SAAL1: variants seen among roughly 807,000 people sequenced by gnomAD.
SAAL1 encodes the protein protein SAAL1.
SAAL1 carries 42 observed loss-of-function variants against 59.8 expected under a neutral mutation model. The ratio of observed to expected loss-of-function variants is 0.70; its 90% CI spans 0.55 to 0.91. The LOEUF is 0.91. Ranked by LOEUF, SAAL1 falls within the 40% of genes least tolerant of loss-of-function variation. SAAL1 has a pLI of 0.00. For synonymous variants in SAAL1, 191 were observed against 194.3 expected (o/e 0.98, Z 0.14); for missense variants, 542 against 561.1 (o/e 0.97, Z 0.34).
At chr11:18,103,100 A>G (rs1848650678) in intron 2 of SAAL1, 133 bp downstream of exon 2, 3 of 648,424 alleles carry the variant, frequency 4.6e-6, no homozygotes, top group African/African-American at 1.8e-5. Flanking sequence ...CTCATTCCCT[A>G]TATCATATAT....
chr11:18,105,894 C>T lies in SAAL1; in HGVS notation c.135+13G>A. ...ATGTAGGGACACCCCACGCGTGGCG[C>T]GAGTTTCCACACCTGGATGAGTCCG... is the stretch of plus-strand genomic sequence containing the variant. On this transcript the variant is annotated intron_variant, in intron 1 of 11. Coordinates refer to ENST00000524803, the MANE Select transcript of SAAL1 (RefSeq NM_138421.3). 6.3e-7 allele frequency: 1 copy of T among 1,586,084 alleles called. No homozygotes were observed. The highest frequency in any genetic ancestry group is 8.6e-7 in the Non-Finnish European group (1 of 1,167,716).
chr11:18,102,507 G>C (rs1274497360), intron 2 of SAAL1, among the ~76,000 whole-genome samples: 1 of 151,800 alleles, frequency 6.6e-6, no homozygotes. Context: ...ACAATGAATA[G>C]CCATTGACAA....
rs1848397399 is a variant in SAAL1 at position 18,080,404 on chromosome 11, T to A, written c.1420A>T (p.Thr474Ser). ...AAGTAATTCCAATTCAGGTTTTAAG[T>A]CTGAACCTTCAAACTTGGGAAGTTT... is the stretch of plus-strand genomic sequence containing the variant. Reference protein sequence around the residue: ...EKNFPSLKVQT With the variant: ...EKNFPSLKVQS Residue 474 changes from threonine (T) to serine (S), a missense_variant, in exon 12 of 12, where the codon ACT becomes TCT. Physicochemically the swap from Thr to Ser is moderately conservative, Grantham distance 58 (BLOSUM62 1). Coordinates refer to ENST00000524803, the MANE Select transcript of SAAL1 (RefSeq NM_138421.3). 3 of 1,583,948 alleles carry A rather than the reference T, an allele frequency of 1.9e-6. No individual in the cohort carries two copies. Among genetic ancestry groups the A allele is most frequent in the Non-Finnish European group, 2.6e-6 (3 of 1,167,076 alleles).
chr11:18,096,409 T>C (rs1232117289), intron 3 of SAAL1, among the ~76,000 whole-genome samples: 1 of 151,920 alleles, frequency 6.6e-6, no homozygotes, highest in African/African-American at 2.4e-5. Flanking sequence ...AGGAGACCTT[T>C]GTCTCCACAA....
chr11:18,081,492 A>G lies in SAAL1; in HGVS notation c.1251T>C (p.Ala417=), dbSNP rs1322072018. 6.2e-7 allele frequency: 1 copy of G among 1,613,966 alleles called. No homozygotes were observed. The highest frequency in any genetic ancestry group is 8.5e-7 in the Non-Finnish European group (1 of 1,179,868). The part of the protein sequence containing the change: ...IFQALTKETV[A]QGVKEGQLSK... Reference sequence around the variant, plus strand: ...TCAACTGGCCTTCCTTTACTCCCTGAGCCACCGTCTCCTAAAACAACAACA... The same window carrying G: ...TCAACTGGCCTTCCTTTACTCCCTGGGCCACCGTCTCCTAAAACAACAACA... Residue 417 remains alanine, a synonymous_variant, in exon 11 of 12, where the codon GCT becomes GCC. Transcript: ENST00000524803.
At chr11:18,084,674 GA>G (rs2134055084) in intron 9 of SAAL1, among the ~76,000 whole-genome samples, 1 of 152,312 alleles carries the variant, frequency 6.6e-6, no homozygotes, top group East Asian at 1.9e-4. Flanking sequence ...ATCTACAAAT[GA>G]AGATCTTAAA....
chr11:18,080,524 ACAG>A, intron 11 of SAAL1, 33 bp from the exon 12 acceptor site: 1 of 1,449,992 alleles, frequency 6.9e-7, no homozygotes, highest in Non-Finnish European at 9.4e-7. Context: ...AAAATCAAAC[ACAG>A]AAGAGAAAAA....
At chr11:18,099,985 A>C (rs552455435) in intron 2 of SAAL1, among the ~76,000 whole-genome samples, 103 of 152,336 alleles carry the variant, frequency 6.8e-4, no homozygotes, top group African/African-American at 2.4e-3. Context: ...CTTGTAAGGG[A>C]GCAAAAGGAG....
intron 2 of SAAL1, among the ~76,000 whole-genome samples, chr11:18,098,199 G>C (rs7131454): frequency 0.18 from 27,754 of 152,004 alleles, 3,144 homozygotes; most frequent in Non-Finnish European, 0.25. Context: ...CACGGTAGGG[G>C]AAAGAAGTCA....
At chr11:18,103,632 T>C (rs777521438) in intron 1 of SAAL1, among the ~76,000 whole-genome samples, 3 of 152,168 alleles carry the variant, frequency 2.0e-5, no homozygotes, top group Non-Finnish European at 4.4e-5. Flanking sequence ...TGTGTGTACC[T>C]GTGATGGGAT....
chr11:18,081,705 C>T, intron 10 of SAAL1: 2 of 567,814 alleles, frequency 3.5e-6, no homozygotes, highest in Non-Finnish European at 6.3e-6. Context: ...AAGGGCACCA[C>T]CATCCACCCT....
intron 2 of SAAL1, among the ~76,000 whole-genome samples, chr11:18,097,173 G>C (rs1324119461): frequency 3.3e-5 from 5 of 151,828 alleles, no homozygotes; most frequent in Non-Finnish European, 5.9e-5. Flanking sequence ...GGAGGCAGAG[G>C]TTGCAGTGAG....
chr11:18,081,526 T>C, intron 10 of SAAL1, 23 bp from the exon 11 acceptor site: 2 of 1,607,034 alleles, frequency 1.2e-6, no homozygotes, highest in Non-Finnish European at 1.7e-6. Flanking sequence ...CAAGATTTAA[T>C]GTCAAAAAAG....
Position 18,106,052 on chromosome 11 carries a change from C to T in SAAL1, c.-11G>A. On this transcript the variant is annotated 5_prime_UTR_variant, in exon 1 of 12. Transcript: ENST00000524803. ...GGGGTTGCGGTCCATGACTTTGTCG[C>T]GTCCCGCGCTTGAAGGCCGTGCCGG... 6.3e-7 allele frequency: 1 copy of T among 1,595,822 alleles called. No individual in the cohort carries two copies. The highest frequency in any genetic ancestry group is 8.5e-7 in the Non-Finnish European group (1 of 1,176,348).
At chr11:18,086,606 C>G (rs1848466212) in intron 9 of SAAL1, among the ~76,000 whole-genome samples, 1 of 151,982 alleles carries the variant, frequency 6.6e-6, no homozygotes, top group Non-Finnish European at 1.5e-5. Context: ...GAGGCTGAGG[C>G]ACGAGAATCA....
At chr11:18,100,148 A>C (rs1284573772) in intron 2 of SAAL1, among the ~76,000 whole-genome samples, 1 of 152,252 alleles carries the variant, frequency 6.6e-6, no homozygotes, top group Non-Finnish European at 1.5e-5. Context: ...ATAATTTATC[A>C]ATAATTGTAG....
At chr11:18,094,264 T>A (rs1490883149) in intron 3 of SAAL1, among the ~76,000 whole-genome samples, 1 of 152,154 alleles carries the variant, frequency 6.6e-6, no homozygotes, top group Non-Finnish European at 1.5e-5. Context: ...GTGGGTCCAC[T>A]CATAGGTGGA....
Position 18,083,647 on chromosome 11 carries a change from G to A in SAAL1, c.1127C>T (p.Ser376Phe), listed in dbSNP as rs554388098. 6.2e-7 allele frequency: 1 copy of A among 1,611,294 alleles called. No homozygotes were observed. Among genetic ancestry groups the A allele is most frequent in the African/African-American group, 1.3e-5 (1 of 74,990 alleles). ...CQKKPENSAE[S>F]NTEETKRTDL... ...AGTCCTTTTAGTTTCCTCTGTGTTAGACTCTGCCGAGTTCTCTGGTTTTTT... is the reference window on the plus strand; with the variant it reads ...AGTCCTTTTAGTTTCCTCTGTGTTAAACTCTGCCGAGTTCTCTGGTTTTTT... Residue 376 changes from serine to phenylalanine, a missense_variant, in exon 10 of 12, where the codon TCT becomes TTT. Coordinates refer to ENST00000524803, the MANE Select transcript of SAAL1 (RefSeq NM_138421.3).
intron 3 of SAAL1, among the ~76,000 whole-genome samples, chr11:18,096,451 C>G (rs550826687): frequency 1.3e-5 from 2 of 151,964 alleles, no homozygotes; most frequent in Non-Finnish European, 2.9e-5. Context: ...GGTGTGGTGG[C>G]TTACACCTAT....
Sources: allele counts gnomAD v4.1 joint callset (sites outside exome capture counted in the v4.1 genomes callset), GRCh38; gene constraint gnomAD v4.1.1; transcripts MANE v1.5; gene names NCBI Gene and HGNC (gene_info 2026-07-23, HGNC 2026-07-21).